The following UBR3 variants were observed in gnomAD, a reference collection of about 807,000 sequenced individuals.
The protein encoded by UBR3 is E3 ubiquitin-protein ligase UBR3.
In UBR3, 85 loss-of-function variants were observed where a neutral mutation model predicts 243.2. The observed-to-expected ratio is 0.35, with a 90% CI of 0.29 to 0.42. The LOEUF (loss-of-function observed/expected upper bound fraction) is 0.42. Ranked by LOEUF, UBR3 falls within the 10% of genes least tolerant of loss-of-function variation. The pLI is 1.00. For synonymous variants in UBR3, 748 were observed against 799.8 expected (o/e 0.94, Z 1.09); for missense variants, 1,686 against 2,300.8 (o/e 0.73, Z 5.47).
chr2:169,938,461 A>G (rs374278179), intron 19 of UBR3, among the ~76,000 whole-genome samples: 1 of 151,638 alleles, frequency 6.6e-6, no homozygotes, highest in African/African-American at 2.4e-5. Context: ...GGGTCTCTAC[A>G]TGTGTTGCCC....
At chr2:169,932,225 G>A (rs1042937394) in intron 18 of UBR3, among the ~76,000 whole-genome samples, 1 of 151,838 alleles carries the variant, frequency 6.6e-6, no homozygotes, top group Non-Finnish European at 1.5e-5. Flanking sequence ...TTACAGGTGT[G>A]CGCCACCACG....
At chr2:170,067,799 T>TC (rs2091609951) in intron 35 of UBR3, among the ~76,000 whole-genome samples, 2 of 149,700 alleles carry the variant, frequency 1.3e-5, no homozygotes, top group Non-Finnish European at 3.0e-5. Flanking sequence ...TGAGACAGTT[T>TC]CCCTCTGTTG....
At chr2:169,997,246 G>A (rs565561328) in intron 26 of UBR3, among the ~76,000 whole-genome samples, 3 of 152,130 alleles carry the variant, frequency 2.0e-5, no homozygotes, top group South Asian at 2.1e-4. Context: ...GGGCCCACTG[G>A]GCTCACTCTA....
At chr2:169,832,558 C>T (rs2081973036) in intron 1 of UBR3, among the ~76,000 whole-genome samples, 1 of 148,282 alleles carries the variant, frequency 6.7e-6, no homozygotes, top group Non-Finnish European at 1.5e-5. Flanking sequence ...CAGAGCGTGA[C>T]TCTGTCTCAG....
At chr2:170,015,399 A>G (rs752626128) in intron 30 of UBR3, 33 bp downstream of exon 30, 2 of 1,544,866 alleles carry the variant, frequency 1.3e-6, no homozygotes, top group Non-Finnish European at 8.8e-7. Context: ...TTTAAAAAAA[A>G]TTCTGTCATT....
At chr2:169,898,239 A>G (rs910384174) in intron 8 of UBR3, among the ~76,000 whole-genome samples, 1 of 152,200 alleles carries the variant, frequency 6.6e-6, no homozygotes, top group Non-Finnish European at 1.5e-5. Context: ...CTTTGTGCAT[A>G]TCAGCTCCTG....
intron 5 of UBR3, among the ~76,000 whole-genome samples, chr2:169,880,861 A>G (rs2083794409): frequency 6.6e-6 from 1 of 151,930 alleles, no homozygotes; most frequent in Non-Finnish European, 1.5e-5. Context: ...AATATATGGT[A>G]TTTGGTTTTC....
intron 2 of UBR3, 32 bp from the exon 3 acceptor site, chr2:169,875,759 C>A (rs1477096138): frequency 3.0e-5 from 44 of 1,483,936 alleles, no homozygotes; most frequent in Non-Finnish European, 3.9e-5. Flanking sequence ...CAAAATTACC[C>A]TTATTTGATT....
At chr2:169,853,634 G>C (rs745711291) in intron 1 of UBR3, among the ~76,000 whole-genome samples, 1 of 151,910 alleles carries the variant, frequency 6.6e-6, no homozygotes, top group Non-Finnish European at 1.5e-5. Context: ...ATTTTTAGGA[G>C]AGATTGGGTT....
At chr2:170,028,997 A>G (rs75352584) in intron 30 of UBR3, among the ~76,000 whole-genome samples, 6,567 of 151,986 alleles carry the variant, frequency 0.043, 211 homozygotes, top group East Asian at 0.1. Context: ...AGGATTGAAG[A>G]TAATAGTAAA....
intron 26 of UBR3, among the ~76,000 whole-genome samples, chr2:169,994,725 C>T (rs954754438): frequency 6.6e-6 from 1 of 152,130 alleles, no homozygotes; most frequent in Non-Finnish European, 1.5e-5. Flanking sequence ...CCTTAAATAA[C>T]GTTGTTTCTT....
At chr2:169,962,134 TG>T (rs1317788651) in intron 24 of UBR3, among the ~76,000 whole-genome samples, 2 of 152,142 alleles carry the variant, frequency 1.3e-5, no homozygotes, top group Non-Finnish European at 2.9e-5. Flanking sequence ...CGGAGGCCCA[TG>T]TGAGTGAGGA....
At chr2:169,884,759 A>G (rs2084025544) in intron 5 of UBR3, among the ~76,000 whole-genome samples, 1 of 150,906 alleles carries the variant, frequency 6.6e-6, no homozygotes, top group African/African-American at 2.5e-5. Context: ...TTTGGAAAGA[A>G]AGATAAGAAG....
chr2:170,036,351 T>G (rs1006885540), intron 31 of UBR3, among the ~76,000 whole-genome samples: 1 of 152,068 alleles, frequency 6.6e-6, no homozygotes, highest in African/African-American at 2.4e-5. Context: ...TTGGTTCTCT[T>G]TTCTACAGAG....
At chr2:169,906,201 A>T (rs755224991) in intron 10 of UBR3, 37 bp downstream of exon 10, 1 of 1,515,218 alleles carries the variant, frequency 6.6e-7, no homozygotes, top group South Asian at 1.3e-5. Flanking sequence ...TCTGTGTTTA[A>T]GAAAAAGACT....
At chr2:169,938,945 T>C (rs1402034101) in intron 19 of UBR3, among the ~76,000 whole-genome samples, 1 of 152,162 alleles carries the variant, frequency 6.6e-6, no homozygotes, top group Admixed American at 6.5e-5. Flanking sequence ...TCTTTTTTTG[T>C]GGATAACTTA....
intron 1 of UBR3, among the ~76,000 whole-genome samples, chr2:169,870,717 G>A (rs1291887638): frequency 5.3e-5 from 8 of 151,078 alleles, no homozygotes; most frequent in Non-Finnish European, 1.0e-4. Context: ...GCAGTGGCAC[G>A]GTCTTGGCTC....
chr2:169,976,773 GCTT>G (rs2088468206), intron 24 of UBR3, among the ~76,000 whole-genome samples: 1 of 152,018 alleles, frequency 6.6e-6, no homozygotes, highest in South Asian at 2.1e-4. Flanking sequence ...GAACTTTTGA[GCTT>G]CTTGGATCTA....
intron 37 of UBR3, 105 bp from the exon 38 acceptor site, chr2:170,080,440 C>T (rs921517193): frequency 9.6e-6 from 11 of 1,142,664 alleles, no homozygotes; most frequent in Non-Finnish European, 1.3e-5. Flanking sequence ...TGAAATCTTA[C>T]TATTTTTAAA....
Sources: gnomAD v4.1 joint callset for allele counts (sites outside exome capture counted in the v4.1 genomes callset) on GRCh38, gnomAD v4.1.1 for gene constraint, MANE v1.5 for transcripts, NCBI Gene and HGNC (gene_info 2026-07-23, HGNC 2026-07-21) for gene names.